Variants in ULK2 observed in about 807,000 individuals in gnomAD.
ULK2 encodes the protein serine/threonine-protein kinase ULK2.
A neutral mutation model predicts 127.5 loss-of-function variants in ULK2; 76 were observed. That is an observed-to-expected ratio of 0.60 (90% confidence interval 0.50 to 0.72). ULK2 has a LOEUF of 0.72. ULK2 is among the 30% of genes least tolerant of loss of function. The probability of loss-of-function intolerance (pLI) is 0.00; values close to 1 mark genes in which losing one functional copy is unlikely to be tolerated. For synonymous variants in ULK2, 452 were observed against 461.9 expected, an observed-to-expected ratio of 0.98 and a Z score of 0.28; for missense variants, 1,144 against 1,295.9, an observed-to-expected ratio of 0.88 and a Z score of 1.80.
At chr17:19,787,862 C>G (rs1266875430) in intron 20 of ULK2, among the ~76,000 whole-genome samples, 4 of 152,208 alleles carry the variant, frequency 2.6e-5, no homozygotes, top group African/African-American at 9.6e-5. Context: ...CCGCCCCTCC[C>G]CTGGCAGCAG....
intron 20 of ULK2, among the ~76,000 whole-genome samples, chr17:19,787,371 G>C (rs563916247): frequency 6.6e-5 from 10 of 151,940 alleles, no homozygotes; most frequent in East Asian, 1.9e-4. Flanking sequence ...ACTGCAGCCT[G>C]GAACTCCTGA....
chr17:19,787,610 A>G (rs904282747), intron 20 of ULK2, among the ~76,000 whole-genome samples: 6 of 152,382 alleles, frequency 3.9e-5, no homozygotes, highest in African/African-American at 1.2e-4. Context: ...CTATAAATAC[A>G]TACTTGCTTT....
At chr17:19,867,079 G>A (rs2042366761) in intron 1 of ULK2, among the ~76,000 whole-genome samples, 1 of 152,154 alleles carries the variant, frequency 6.6e-6, no homozygotes, top group South Asian at 2.1e-4. Context: ...CGGGCGGACC[G>A]CGGGGTGGGC....
At position 19,826,605 on chromosome 17, in the gene ULK2, T is replaced by C. The variant is rs562019798; in HGVS notation, c.788-419A>G. ...AGAGGAAATTGATACAGCTGATTTA[T>C]ACAACAAACTATCCTTCGCCCCTAC... On this transcript the variant is annotated intron_variant, in intron 10 of 26. Transcript: ENST00000395544. Among the ~76,000 whole-genome samples the C allele has an allele frequency of 1.1e-4, 17 of 152,264 alleles. No homozygotes were observed. The South Asian group carries it at 3.5e-3, about 32-fold the overall frequency.
Position 19,776,399 on chromosome 17 carries a change from T to C in ULK2, c.3061A>G (p.Ser1021Gly). ...AGCGCCGACAGTCTTCTCTCAATAC[T>C]ACATTTATCTAGAAATAAAATAACA... The part of the protein sequence containing the change: ...DIENVHKYKC[S>G]IERRLSALCH... Residue 1021 changes from serine (S) to glycine (G), a missense_variant, in exon 27 of 27, where the codon AGT (serine) becomes GGT (glycine). By Grantham distance (56) the Ser-to-Gly change is moderately conservative. This residue lies in a region of ULK2 where 913 missense variants were observed against 970.5 expected (regional missense o/e 0.94). Coordinates refer to ENST00000395544, the MANE Select transcript of ULK2 (RefSeq NM_014683.4). 6.3e-7 allele frequency: 1 copy of C among 1,595,314 alleles called. No homozygotes were observed.
intron 3 of ULK2, among the ~76,000 whole-genome samples, chr17:19,863,748 C>T (rs1230599920): frequency 6.6e-6 from 1 of 152,024 alleles, no homozygotes; most frequent in Non-Finnish European, 1.5e-5. Context: ...ACCCAGAAAA[C>T]AGCAATTTTC....
chr17:19,807,713 T>A (rs1348930272), intron 14 of ULK2, among the ~76,000 whole-genome samples: 1 of 152,148 alleles, frequency 6.6e-6, no homozygotes, highest in African/African-American at 2.4e-5. Flanking sequence ...ACAATTCCCA[T>A]AATTGAATTC....
At chr17:19,832,949 C>G (rs407990) in intron 10 of ULK2, among the ~76,000 whole-genome samples, 28,427 of 151,696 alleles carry the variant, frequency 0.19, 3,507 homozygotes, top group Middle Eastern at 0.27. Context: ...GTGGTGAAAC[C>G]CTGTCTCTAC....
At chr17:19,848,283 C>G (rs1463742910) in intron 5 of ULK2, 1 of 152,112 alleles carries the variant, frequency 6.6e-6, no homozygotes, top group Admixed American at 6.6e-5. Flanking sequence ...ATCCATGTAC[C>G]TATTTAAATT....
Position 19,837,055 on chromosome 17 carries a change from C to T in ULK2, c.787+1446G>A, listed in dbSNP as rs73295864. 7.7e-3 allele frequency among the ~76,000 whole-genome samples: 1,173 copies of T among 151,738 alleles called. 15 individuals are homozygous for T. Among genetic ancestry groups the T allele is most frequent in the African/African-American group, 0.026 (1,087 of 41,364 alleles). ...GAGCTACGATCACACCACTGCATTC[C>T]AGTCCAGCCTGGGTAACAGAGTGAG... On this transcript the variant is annotated intron_variant, in intron 10 of 26. Transcript: ENST00000395544.
At chr17:19,835,159 T>C (rs1459245543) in intron 10 of ULK2, among the ~76,000 whole-genome samples, 2 of 151,296 alleles carry the variant, frequency 1.3e-5, no homozygotes, top group East Asian at 4.0e-4. Context: ...GTTTCTTTTT[T>C]TTTTGGAGAT....
rs140119823 is a variant in ULK2, at chr17:19,793,588, T to C, written c.2101+2034A>G. On this transcript the variant is annotated intron_variant, in intron 20 of 26. Transcript: ENST00000395544. ...AAACTCTTGGAAGAAAATACAGAGT[T>C]AGGCAAGGTCCAGATGCAATTTAAG... 1.6e-4 allele frequency among the ~76,000 whole-genome samples: 24 copies of C among 152,272 alleles called. No individual in the cohort carries two copies. The East Asian group carries it at 4.1e-3, about 26-fold the overall frequency.
rs79534009 is a variant in ULK2, at chr17:19,823,708, C to T, written c.924+1386G>A. Among the ~76,000 whole-genome samples the T allele has an allele frequency of 4.8e-3, 732 of 152,272 alleles. 24 individuals are homozygous for T. The East Asian group carries it at 0.089, about 18-fold the overall frequency. On this transcript the variant is annotated intron_variant, in intron 12 of 26. Transcript: ENST00000395544. ...ACCATGGCCCACCTCTCTAACTGACCGGCCCAAAGTCACTGAGTGGGCAAG... is the reference window on the plus strand; with the variant it reads ...ACCATGGCCCACCTCTCTAACTGACTGGCCCAAAGTCACTGAGTGGGCAAG...
rs184344968 is a variant in ULK2, at chr17:19,776,460, T to C, written c.3053-53A>G. 2.7e-5 allele frequency: 39 copies of C among 1,430,850 alleles called. No individual in the cohort carries two copies. The East Asian group carries it at 9.3e-4, about 34-fold the overall frequency. The allele number at this position is 1,430,850 out of a possible 1,614,324, so 88.6% of individuals were successfully genotyped here. A position where few individuals can be genotyped will look rare whatever the true frequency, so the allele number is the denominator to read the frequency against. ...ACTAATGAAAAAAATCACTATATTGTCATCTCTATTCTATCTTTGCCCCAA... is the reference window on the plus strand; with the variant it reads ...ACTAATGAAAAAAATCACTATATTGCCATCTCTATTCTATCTTTGCCCCAA... On this transcript the variant is annotated intron_variant, in intron 26 of 26. Transcript: ENST00000395544.
intron 3 of ULK2, among the ~76,000 whole-genome samples, chr17:19,857,992 G>A (rs2042167585): frequency 6.6e-6 from 1 of 151,864 alleles, no homozygotes; most frequent in Non-Finnish European, 1.5e-5. Flanking sequence ...CCATCCCTCA[G>A]TCTCTACAGA....
chr17:19,805,050 G>C (rs1451743512), intron 14 of ULK2, among the ~76,000 whole-genome samples: 1 of 36,464 alleles, frequency 2.7e-5, no homozygotes, highest in African/African-American at 4.8e-5. Flanking sequence ...TGAGGACTAA[G>C]AATTATAATA....
At chr17:19,795,276 A>G (rs1401542307) in intron 20 of ULK2, among the ~76,000 whole-genome samples, 1 of 142,450 alleles carries the variant, frequency 7.0e-6, no homozygotes, top group East Asian at 2.1e-4. Flanking sequence ...TATAAAATCC[A>G]GTTGCTGTAA....
At chr17:19,851,597 G>A (rs936215864) in intron 3 of ULK2, among the ~76,000 whole-genome samples, 3 of 140,108 alleles carry the variant, frequency 2.1e-5, no homozygotes, top group East Asian at 2.2e-4. Flanking sequence ...CTGAGACCGC[G>A]CCACTGCACT....
intron 15 of ULK2, 84 bp downstream of exon 15, chr17:19,804,609 G>A (rs2087473139): frequency 4.9e-6 from 7 of 1,441,750 alleles, no homozygotes; most frequent in Non-Finnish European, 6.5e-6. Context: ...CTATGCCACA[G>A]AAAGTAACAT....
Sources: gnomAD v4.1 joint callset for allele counts (sites outside exome capture counted in the v4.1 genomes callset) on GRCh38, gnomAD v4.1.1 for gene constraint, gnomAD v4.1.1 regional missense constraint, MANE v1.5 for transcripts, NCBI Gene and HGNC (gene_info 2026-07-23, HGNC 2026-07-21) for gene names.